CAPN13: variants seen among roughly 807,000 people sequenced by gnomAD.
CAPN13 encodes calpain-13.
Under a neutral mutation model 98.4 loss-of-function variants are expected in CAPN13, and 90 were observed. That is an observed-to-expected ratio of 0.92 (90% confidence interval 0.77 to 1.09). The LOEUF (loss-of-function observed/expected upper bound fraction) is 1.09. Among genes scored for constraint, CAPN13 ranks in the 50% least tolerant of loss-of-function variants. The pLI is 0.00. For synonymous variants in CAPN13, 330 were observed against 305.5 expected, an observed-to-expected ratio of 1.08 and a Z score of -0.84; for missense variants, 887 against 841.3, an observed-to-expected ratio of 1.05 and a Z score of -0.67.
At chr2:30,757,288 C>T (rs1403724919) in intron 8 of CAPN13, among the ~76,000 whole-genome samples, 1 of 152,208 alleles carries the variant, frequency 6.6e-6, no homozygotes, top group Admixed American at 6.5e-5. Flanking sequence ...GGACTACTGT[C>T]TCTTTCATAG....
intron 1 of CAPN13, among the ~76,000 whole-genome samples, chr2:30,793,539 C>T (rs1201337562): frequency 1.3e-5 from 2 of 151,590 alleles, no homozygotes; most frequent in African/African-American, 4.8e-5. Context: ...AGGTTCAATA[C>T]AATCCTAACC....
chr2:30,763,561 A>G (rs1376163027), intron 6 of CAPN13, among the ~76,000 whole-genome samples: 2 of 152,234 alleles, frequency 1.3e-5, no homozygotes, highest in Admixed American at 1.3e-4. Flanking sequence ...TGGATTAGCA[A>G]TGTGTGACTC....
chr2:30,731,303 C>T, intron 21 of CAPN13, 41 bp downstream of exon 21: 2 of 1,567,314 alleles, frequency 1.3e-6, no homozygotes, highest in South Asian at 1.2e-5. Context: ...GGGGAGGCAG[C>T]CTGGGACTGT....
chr2:30,796,097 AAT>A (rs1674842818), intron 1 of CAPN13, among the ~76,000 whole-genome samples: 1 of 148,390 alleles, frequency 6.7e-6, no homozygotes, highest in Admixed American at 6.7e-5. Flanking sequence ...TCTTCCCCAA[AAT>A]AGAGTCCTTA....
At chr2:30,758,271 ATTG>A in intron 7 of CAPN13, 134 bp from the exon 8 acceptor site, 1 of 625,652 alleles carries the variant, frequency 1.6e-6, no homozygotes, top group African/African-American at 1.9e-5. Flanking sequence ...CAGAAAAAAA[ATTG>A]AAAGGGAAAA....
intron 1 of CAPN13, among the ~76,000 whole-genome samples, chr2:30,800,148 G>GAAAAGAAAGA (rs1172811444): frequency 2.0e-4 from 30 of 148,058 alleles, no homozygotes; most frequent in African/African-American, 7.7e-4. Flanking sequence ...AAGAAAGAAA[G>GAAAAGAAAGA]AAAGAAAGAA....
intron 13 of CAPN13, chr2:30,743,170 G>A (rs1671741453): frequency 3.4e-6 from 2 of 584,458 alleles, no homozygotes; most frequent in African/African-American, 1.9e-5. Flanking sequence ...TTTCCATCTG[G>A]CAATGGACCC....
At chr2:30,800,001 G>T (rs913851944) in intron 1 of CAPN13, among the ~76,000 whole-genome samples, 1 of 151,984 alleles carries the variant, frequency 6.6e-6, no homozygotes, top group African/African-American at 2.4e-5. Flanking sequence ...ATGAACCCGG[G>T]AGGCAGAGCT....
intron 22 of CAPN13, among the ~76,000 whole-genome samples, chr2:30,728,672 A>C (rs1469818095): frequency 6.6e-6 from 1 of 152,176 alleles, no homozygotes; most frequent in African/African-American, 2.4e-5. Context: ...ATGATGCCAG[A>C]TTTTTCCTGT....
intron 1 of CAPN13, among the ~76,000 whole-genome samples, chr2:30,798,634 T>C (rs1179048592): frequency 6.6e-6 from 1 of 152,148 alleles, no homozygotes; most frequent in Non-Finnish European, 1.5e-5. Context: ...TGCCCAGGAG[T>C]GCTGCCTGCG....
rs950444989 is a variant in CAPN13 at position 30,803,151 on chromosome 2, C to T, written c.-33+4151G>A. Among the ~76,000 whole-genome samples the T allele has an allele frequency of 1.3e-5, 2 of 152,180 alleles. 1 individual carries two copies. The highest frequency in any genetic ancestry group is 2.9e-5 in the Non-Finnish European group (2 of 68,032). ...TGGTATATGTAGTTCAGCTGGTTGG[C>T]TGCCACGTCTGGTTAAGGATTAGAG... On this transcript the variant is annotated intron_variant, in intron 1 of 22. Transcript: ENST00000295055.
intron 5 of CAPN13, among the ~76,000 whole-genome samples, chr2:30,768,649 T>C (rs1673229833): frequency 6.7e-6 from 1 of 149,990 alleles, no homozygotes. Context: ...TTTTTAAATT[T>C]GTTTCATTTC....
At chr2:30,725,636 T>C (rs1003339353) in intron 22 of CAPN13, among the ~76,000 whole-genome samples, 1 of 152,152 alleles carries the variant, frequency 6.6e-6, no homozygotes, top group African/African-American at 2.4e-5. Flanking sequence ...GGACACTTTG[T>C]AACACGGAGG....
chr2:30,804,965 AG>A (rs1675523221), intron 1 of CAPN13, among the ~76,000 whole-genome samples: 1 of 152,200 alleles, frequency 6.6e-6, no homozygotes, highest in African/African-American at 2.4e-5. Flanking sequence ...AACCTTTCTT[AG>A]GTGCCATCTC....
intron 1 of CAPN13, among the ~76,000 whole-genome samples, chr2:30,800,270 T>G (rs952980282): frequency 1.3e-4 from 20 of 152,164 alleles, no homozygotes; most frequent in African/African-American, 4.6e-4. Flanking sequence ...TGACTCTGGG[T>G]TCAGCACTGG....
At chr2:30,773,540 T>C (rs987204075) in intron 4 of CAPN13, among the ~76,000 whole-genome samples, 2 of 152,092 alleles carry the variant, frequency 1.3e-5, no homozygotes, top group African/African-American at 2.4e-5. Context: ...GAAATGTGCA[T>C]AACAGGAAGC....
In CAPN13 at chr2:30,734,377, T is replaced by G. The variant is rs1671249326; in HGVS notation, c.1798+72A>C. 5.9e-6 allele frequency: 7 copies of G among 1,177,940 alleles called. No homozygotes were observed. The South Asian group carries it at 8.8e-5, about 15-fold the overall frequency. The allele number at this position is 1,177,940 out of a possible 1,614,324, so 73.0% of individuals were successfully genotyped here. A position where few individuals can be genotyped will look rare whatever the true frequency, so the allele number is the denominator to read the frequency against. On this transcript the variant is annotated intron_variant, in intron 19 of 22. Transcript: ENST00000295055. Reference sequence around the variant, plus strand: ...TTGCCTGGCACTGTTGTGCCAGCCTTGCTACTAGGGGTGTGGGCATCACCC... The same window carrying G: ...TTGCCTGGCACTGTTGTGCCAGCCTGGCTACTAGGGGTGTGGGCATCACCC...
chr2:30,751,065 A>G (rs551310134), intron 11 of CAPN13, 38 bp downstream of exon 11: 1 of 1,606,170 alleles, frequency 6.2e-7, no homozygotes, highest in African/African-American at 1.3e-5. Context: ...TTTACACTAA[A>G]TTTCTACAAG....
At chr2:30,743,249 A>G in intron 13 of CAPN13, 134 bp downstream of exon 13, 1 of 808,522 alleles carries the variant, frequency 1.2e-6, no homozygotes. Context: ...GCTGCTCTAG[A>G]GTGGGGCCAA....
Sources: gnomAD v4.1 joint callset for allele counts (sites outside exome capture counted in the v4.1 genomes callset) on GRCh38, gnomAD v4.1.1 for gene constraint, MANE v1.5 for transcripts, NCBI Gene and HGNC (gene_info 2026-07-23, HGNC 2026-07-21) for gene names.